Variants in DDIAS observed in about 807,000 individuals in gnomAD.
DDIAS encodes the protein DNA damage induced apoptosis suppressor, also known as DNA damage-induced apoptosis suppressor protein.
In DDIAS, 14 loss-of-function variants were observed where a neutral mutation model predicts 15.7. That is an observed-to-expected ratio of 0.89 (90% CI 0.59 to 1.39). The LOEUF (loss-of-function observed/expected upper bound fraction) is 1.39. DDIAS is among the 40% of genes most tolerant of loss of function. The pLI, the probability that DDIAS is intolerant of heterozygous loss-of-function variation, is 0.00. For synonymous variants in DDIAS, 355 were observed against 395.9 expected (o/e 0.90, Z 1.23); for missense variants, 1,035 against 1,130.9 (o/e 0.92, Z 1.22).
At chr11:82,915,378 G>A (rs1860611493) in intron 3 of DDIAS, among the ~76,000 whole-genome samples, 2 of 152,176 alleles carry the variant, frequency 1.3e-5, no homozygotes, top group African/African-American at 2.4e-5. Context: ...GAGTAGAAAC[G>A]AGAGGTTAGG....
chr11:82,917,154 C>CT (rs59914172), intron 3 of DDIAS, among the ~76,000 whole-genome samples: 82,229 of 151,756 alleles, frequency 0.54, 23,134 homozygotes, highest in African/African-American at 0.7. Flanking sequence ...TGGTGCTTAC[C>CT]TTTTTTTCCC....
At chr11:82,925,363 G>T (rs766029829) in intron 3 of DDIAS, among the ~76,000 whole-genome samples, 1 of 152,102 alleles carries the variant, frequency 6.6e-6, no homozygotes, top group African/African-American at 2.4e-5. Flanking sequence ...CTGGGAGGCC[G>T]AAACAAGAGA....
At chr11:82,928,154 A>AT (rs565671033) in intron 3 of DDIAS, among the ~76,000 whole-genome samples, 11 of 97,054 alleles carry the variant, frequency 1.1e-4, no homozygotes, top group Admixed American at 6.0e-4. Flanking sequence ...GGTATTAAAT[A>AT]TTTTGAGATT....
chr11:82,923,812 C>A (rs1273935030), intron 3 of DDIAS, among the ~76,000 whole-genome samples: 1 of 151,994 alleles, frequency 6.6e-6, no homozygotes, highest in Non-Finnish European at 1.5e-5. Flanking sequence ...AGACATACAT[C>A]TATAAAAAAA....
At chr11:82,910,999 C>T (rs1352178834) in intron 1 of DDIAS, among the ~76,000 whole-genome samples, 2 of 152,146 alleles carry the variant, frequency 1.3e-5, no homozygotes, top group Admixed American at 6.5e-5. Context: ...TTACACTATA[C>T]TGTAGTCTAA....
intron 3 of DDIAS, among the ~76,000 whole-genome samples, chr11:82,918,568 T>A (rs1461153002): frequency 6.6e-6 from 1 of 152,212 alleles, no homozygotes; most frequent in Non-Finnish European, 1.5e-5. Flanking sequence ...CAGGCCATGT[T>A]TTGGTTCCAT....
chr11:82,914,433 G>A (rs898513899), intron 2 of DDIAS, among the ~76,000 whole-genome samples: 1 of 152,182 alleles, frequency 6.6e-6, no homozygotes, highest in African/African-American at 2.4e-5. Flanking sequence ...GTAAAGGTGT[G>A]AAGAAGCTAA....
At chr11:82,905,033 C>T (rs1479197466) in intron 1 of DDIAS, among the ~76,000 whole-genome samples, 1 of 152,174 alleles carries the variant, frequency 6.6e-6, no homozygotes, top group African/African-American at 2.4e-5. Context: ...TTCAGCTCCC[C>T]ATATGGCTTG....
chr11:82,928,913 G>T lies in DDIAS; in HGVS notation c.250G>T (p.Gly84Cys). Residue 84 changes from glycine to cysteine, a missense_variant, in exon 4 of 6, where the codon GGT (glycine) becomes TGT (cysteine). Coordinates refer to ENST00000533655, the MANE Select transcript of DDIAS (RefSeq NM_145018.4). ...VFGSCLDTFF[G>C]LTATGLHRYI... ...TGGAAGTTGCTTAGATACATTTTTT[G>T]GTCTTACTGCCACTGGTTTGCACAG... 2 of 1,611,284 alleles carry T rather than the reference G, an allele frequency of 1.2e-6. No individual in the cohort carries two copies. Among genetic ancestry groups the T allele is most frequent in the South Asian group, 2.2e-5 (2 of 90,346 alleles).
chr11:82,902,860 T>C (rs1291307085), intron 1 of DDIAS, among the ~76,000 whole-genome samples: 1 of 152,262 alleles, frequency 6.6e-6, no homozygotes, highest in African/African-American at 2.4e-5. Flanking sequence ...TGCTAGGTAC[T>C]GAGATCCAAT....
At chr11:82,919,771 G>T (rs187609298) in intron 3 of DDIAS, among the ~76,000 whole-genome samples, 4 of 152,076 alleles carry the variant, frequency 2.6e-5, no homozygotes, top group Admixed American at 2.6e-4. Flanking sequence ...TCACTCTGTC[G>T]CCCAGGCTGG....
At chr11:82,926,850 A>G (rs111793221) in intron 3 of DDIAS, among the ~76,000 whole-genome samples, 4 of 152,206 alleles carry the variant, frequency 2.6e-5, no homozygotes, top group East Asian at 1.9e-4. Context: ...TTCATTATAC[A>G]TATGTACTTT....
chr11:82,902,513 C>T (rs1348636670), intron 1 of DDIAS, among the ~76,000 whole-genome samples: 2 of 152,030 alleles, frequency 1.3e-5, no homozygotes, highest in Non-Finnish European at 2.9e-5. Context: ...GAAAACCTTT[C>T]AGTCGCTCCT....
At chr11:82,919,735 T>A (rs1346286702) in intron 3 of DDIAS, among the ~76,000 whole-genome samples, 1 of 152,186 alleles carries the variant, frequency 6.6e-6, no homozygotes, top group Non-Finnish European at 1.5e-5. Flanking sequence ...AGACTTTTTT[T>A]CGTTGGTTTT....
At position 82,932,940 on chromosome 11, in the gene DDIAS, A is replaced by G. The variant is rs768217457; in HGVS notation, c.1602A>G (p.Leu534=). 1.0e-4 allele frequency: 161 copies of G among 1,611,874 alleles called. No individual in the cohort carries two copies. The highest frequency in any genetic ancestry group is 1.3e-4 in the Non-Finnish European group (157 of 1,178,968). ...GAAGAGATATGTCAGAATATTTTTTACCGAATCCTTACCTGTCAGCTCTGT... is the reference window on the plus strand; with the variant it reads ...GAAGAGATATGTCAGAATATTTTTTGCCGAATCCTTACCTGTCAGCTCTGT... ...HNGRDMSEYF[L]PNPYLSALSS... The change falls in exon 6 of 6, where the codon TTA becomes TTG. Residue 534 remains leucine, a synonymous_variant. Transcript: ENST00000533655.
chr11:82,908,970 A>AT (rs1310546471), intron 1 of DDIAS, among the ~76,000 whole-genome samples: 10 of 152,298 alleles, frequency 6.6e-5, no homozygotes, highest in African/African-American at 2.4e-4. Flanking sequence ...ATTTTATGGA[A>AT]TAAAGTATTT....
At position 82,934,076 on chromosome 11, in the gene DDIAS, A is replaced by G. The variant is rs1428154578; in HGVS notation, c.2738A>G (p.Asn913Ser). 8 of 1,611,536 alleles carry G rather than the reference A, an allele frequency of 5.0e-6. No homozygotes were observed. The Admixed American group carries it at 6.7e-5, about 14-fold the overall frequency. The change falls in exon 6 of 6, where the codon AAT (asparagine) becomes AGT (serine). Residue 913 changes from asparagine (N) to serine (S), a missense_variant. Coordinates refer to ENST00000533655, the MANE Select transcript of DDIAS (RefSeq NM_145018.4). ...CTGAAACATATTAGACAAGGAACCA[A>G]TAAAGGTTTAATTAAGAAGAAATTA... The part of the protein sequence containing the change: ...KKLKHIRQGT[N>S]KGLIKKKLKN...
In DDIAS at chr11:82,934,033, G is replaced by C. The variant is rs1476912569; in HGVS notation, c.2695G>C (p.Glu899Gln). The C allele has an allele frequency of 1.2e-6, 2 of 1,613,778 alleles. No homozygotes were observed. Among genetic ancestry groups the C allele is most frequent in the South Asian group, 2.2e-5 (2 of 90,974 alleles). Reference sequence around the variant, plus strand: ...TGCCTATCATTTCCCTGATCAACAAGAGTTACCAAGAAAGAAACTGAAACA... The same window carrying C: ...TGCCTATCATTTCCCTGATCAACAACAGTTACCAAGAAAGAAACTGAAACA... ...LAAYHFPDQQ[E>Q]LPRKKLKHIR... is the part of the protein sequence containing the mutation. The change falls in exon 6 of 6, where the codon GAG becomes CAG. Residue 899 changes from glutamate to glutamine, a missense_variant. Physicochemically the swap from Glu to Gln is conservative, Grantham distance 29. Coordinates refer to ENST00000533655, the MANE Select transcript of DDIAS (RefSeq NM_145018.4).
intron 1 of DDIAS, 134 bp from the exon 2 acceptor site, chr11:82,913,153 A>G (rs1590801424): frequency 6.6e-6 from 1 of 152,236 alleles, no homozygotes; most frequent in East Asian, 1.9e-4. Flanking sequence ...CTTGCTTGAG[A>G]CAGGGTTGCT....
Sources: allele counts gnomAD v4.1 joint callset (sites outside exome capture counted in the v4.1 genomes callset), GRCh38; gene constraint gnomAD v4.1.1; transcripts MANE v1.5; gene names NCBI Gene and HGNC (gene_info 2026-07-23, HGNC 2026-07-21).